The following LARGE1 variants were observed in gnomAD, a reference collection of about 807,000 sequenced individuals.
LARGE1 encodes LARGE xylosyl- and glucuronyltransferase 1.
In LARGE1, 43 loss-of-function variants were observed where a neutral mutation model predicts 87.6. The observed-to-expected ratio is 0.49, with a 90% CI of 0.38 to 0.63. LARGE1 has a LOEUF of 0.63. LARGE1 is among the 30% of genes least tolerant of loss of function. The pLI is 0.00. For synonymous variants in LARGE1, 434 were observed against 394.6 expected (o/e 1.10, Z -1.18); for missense variants, 802 against 1,000.2 (o/e 0.80, Z 2.67).
At chr22:33,602,296 C>A (rs183791408) in intron 5 of LARGE1, among the ~76,000 whole-genome samples, 1 of 151,934 alleles carries the variant, frequency 6.6e-6, no homozygotes, top group East Asian at 1.9e-4. Context: ...TTCTTTTTTC[C>A]GTTTTTTTTT....
chr22:33,131,063 T>TAAAAAAAAAA, the LARGE1 span, among the ~76,000 whole-genome samples: 2 of 115,568 alleles, frequency 1.7e-5, no homozygotes, highest in African/African-American at 6.6e-5. Flanking sequence ...AAAAAAAAAG[T>TAAAAAAAAAA]AACTATCGAA....
chr22:33,762,517 C>T (rs918225000), intron 1 of LARGE1, among the ~76,000 whole-genome samples: 1 of 152,168 alleles, frequency 6.6e-6, no homozygotes, highest in Admixed American at 6.5e-5. Flanking sequence ...ACCCTAGTCA[C>T]AACTGAAAGC....
chr22:33,507,055 G>C (rs547275120), intron 6 of LARGE1, among the ~76,000 whole-genome samples: 1 of 152,278 alleles, frequency 6.6e-6, no homozygotes, highest in South Asian at 2.1e-4. Flanking sequence ...AGAGGTAAGG[G>C]AATTGATGGT....
At chr22:33,903,103 G>T (rs2065331492) in intron 1 of LARGE1, among the ~76,000 whole-genome samples, 1 of 152,200 alleles carries the variant, frequency 6.6e-6, no homozygotes, top group South Asian at 2.1e-4. Context: ...TTGCACTGCA[G>T]CCCAGGCAAC....
intron 1 of LARGE1, among the ~76,000 whole-genome samples, chr22:33,800,115 C>A (rs2086113715): frequency 1.3e-5 from 2 of 152,186 alleles, no homozygotes; most frequent in Non-Finnish European, 2.9e-5. Context: ...AATGTGAGTA[C>A]ACCAAACCCT....
chr22:33,834,602 C>T (rs868751076), intron 1 of LARGE1, among the ~76,000 whole-genome samples: 5 of 152,182 alleles, frequency 3.3e-5, no homozygotes, highest in African/African-American at 1.2e-4. Context: ...TCGGACTCAG[C>T]CCGCCTGCAC....
At chr22:33,104,945 T>C in the LARGE1 span, among the ~76,000 whole-genome samples, 6 of 137,564 alleles carry the variant, frequency 4.4e-5, no homozygotes, top group Admixed American at 7.5e-5. Flanking sequence ...CTTTCTTTCT[T>C]TCTCTTTCTC....
chr22:33,401,002 G>T (rs2065909666), intron 7 of LARGE1, among the ~76,000 whole-genome samples: 1 of 152,176 alleles, frequency 6.6e-6, no homozygotes, highest in Admixed American at 6.5e-5. Context: ...CCTGGTGGCT[G>T]GTTCCTGATC....
At chr22:33,188,437 A>C (rs1386857974) in intron 11 of LARGE1, among the ~76,000 whole-genome samples, 1 of 152,140 alleles carries the variant, frequency 6.6e-6, no homozygotes, top group Non-Finnish European at 1.5e-5. Context: ...CTGAGCTCAC[A>C]CCGGGCCTGC....
intron 2 of LARGE1, among the ~76,000 whole-genome samples, chr22:33,713,723 A>G (rs577138551): frequency 1.1e-4 from 17 of 152,200 alleles, no homozygotes; most frequent in African/African-American, 3.9e-4. Context: ...TTGGGTGTCC[A>G]AGGTGAGAGG....
chr22:33,411,259 G>A (rs779597033), intron 7 of LARGE1, among the ~76,000 whole-genome samples: 1 of 152,224 alleles, frequency 6.6e-6, no homozygotes, highest in Non-Finnish European at 1.5e-5. Context: ...TTGGAATGCT[G>A]CAGCCAGGCA....
chr22:33,519,941 C>A (rs1224300944), intron 6 of LARGE1, among the ~76,000 whole-genome samples: 2 of 149,718 alleles, frequency 1.3e-5, no homozygotes, highest in Non-Finnish European at 3.0e-5. Context: ...TACTCCCTGG[C>A]TTCCTCTTGC....
intron 1 of LARGE1, among the ~76,000 whole-genome samples, chr22:33,831,791 T>G (rs989773565): frequency 7.2e-6 from 1 of 138,458 alleles, no homozygotes; most frequent in African/African-American, 2.9e-5. Flanking sequence ...CACATACACA[T>G]ACACAGACTT....
chr22:33,201,441 A>G (rs1013038370), intron 11 of LARGE1, among the ~76,000 whole-genome samples: 1 of 96,188 alleles, frequency 1.0e-5, no homozygotes, highest in African/African-American at 3.9e-5. Flanking sequence ...AGAAGGAAGG[A>G]AGGAAGGGAG....
chr22:33,252,251 T>TCCCCCCCCCCCC (rs34458283), intron 11 of LARGE1, among the ~76,000 whole-genome samples: 1 of 111,522 alleles, frequency 9.0e-6, no homozygotes, highest in African/African-American at 3.2e-5. Context: ...ATTCCTTCAT[T>TCCCCCCCCCCCC]CCCCCCCCCC....
chr22:33,830,266 T>C (rs1568967623), intron 1 of LARGE1, among the ~76,000 whole-genome samples: 1 of 152,150 alleles, frequency 6.6e-6, no homozygotes, highest in Non-Finnish European at 1.5e-5. Flanking sequence ...AAGCAAATGC[T>C]GACCACATTT....
At chr22:33,427,949 C>T (rs374507678) in intron 7 of LARGE1, among the ~76,000 whole-genome samples, 5 of 152,240 alleles carry the variant, frequency 3.3e-5, no homozygotes, top group African/African-American at 9.6e-5. Flanking sequence ...TAAAACACAG[C>T]GAGGAAGCTG....
intron 2 of LARGE1, among the ~76,000 whole-genome samples, chr22:33,651,407 A>AG (rs1443390586): frequency 2.0e-5 from 3 of 147,678 alleles, no homozygotes; most frequent in African/African-American, 7.7e-5. Context: ...AAAAAAAAAA[A>AG]AAAGAAAAAA....
chr22:33,766,951 T>TATATATATATATATATATATAC (rs2084925872), intron 1 of LARGE1, among the ~76,000 whole-genome samples: 1 of 40,596 alleles, frequency 2.5e-5, no homozygotes, highest in Non-Finnish European at 5.1e-5. Flanking sequence ...TATATATATA[T>TATATATATATATATATATATAC]ATATATATAT....
Sources: gnomAD v4.1 joint callset for allele counts (sites outside exome capture counted in the v4.1 genomes callset) on GRCh38, gnomAD v4.1.1 for gene constraint, MANE v1.5 for transcripts, NCBI Gene and HGNC (gene_info 2026-07-23, HGNC 2026-07-21) for gene names.